MLH3: variants seen among roughly 807,000 people sequenced by gnomAD.
MLH3 encodes DNA mismatch repair protein Mlh3.
MLH3 carries 82 observed loss-of-function variants against 122.2 expected under a neutral mutation model. The observed-to-expected ratio is 0.67, with a 90% CI of 0.56 to 0.81. The LOEUF (loss-of-function observed/expected upper bound fraction) is 0.81. MLH3 is among the 30% of genes least tolerant of loss of function. The probability of loss-of-function intolerance (pLI) is 0.00; values close to 1 mark genes in which losing one functional copy is unlikely to be tolerated. For missense variants in MLH3, 1,539 were observed against 1,714.5 expected, an observed-to-expected ratio of 0.90 and a Z score of 1.81; for synonymous variants, 524 against 599.5, an observed-to-expected ratio of 0.87 and a Z score of 1.84.
In MLH3 at chr14:75,048,497, T is replaced by A. The variant is rs1259512716; in HGVS notation, c.1159A>T (p.Arg387Trp). ...TLQKRVTSDE[R>W]SNFQEACNNI... ...TTACATGCTTCCTGGAAATTGCTCCTCTCATCGGAAGTCACACGCTTCTGA... is the reference window on the plus strand; with the variant it reads ...TTACATGCTTCCTGGAAATTGCTCCACTCATCGGAAGTCACACGCTTCTGA... Residue 387 changes from arginine (R) to tryptophan (W), a missense_variant, in exon 2 of 13, where the codon AGG becomes TGG. Transcript: ENST00000355774. 1.2e-6 allele frequency: 2 copies of A among 1,613,212 alleles called. No homozygotes were observed. The highest frequency in any genetic ancestry group is 1.7e-6 in the Non-Finnish European group (2 of 1,179,816).
chr14:75,039,389 A>G (rs1260434995), intron 5 of MLH3, among the ~76,000 whole-genome samples: 2 of 152,190 alleles, frequency 1.3e-5, no homozygotes, highest in East Asian at 3.9e-4. Context: ...AAAGGGAATA[A>G]GACAGCCATG....
intron 11 of MLH3, among the ~76,000 whole-genome samples, chr14:75,020,016 G>A (rs1890170802): frequency 6.6e-6 from 1 of 152,160 alleles, no homozygotes; most frequent in Non-Finnish European, 1.5e-5. Context: ...GCTTAAGGAA[G>A]GCTTTCCTGG....
rs1291117432 is a variant in MLH3, at chr14:75,049,374, T to G, written c.282A>C (p.Gly94=). The G allele has an allele frequency of 6.2e-6, 10 of 1,614,090 alleles. No individual in the cohort carries two copies. The highest frequency in any genetic ancestry group is 8.5e-6 in the Non-Finnish European group (10 of 1,180,040). ...LENPRFYGFR[G]EALANIADMA... Reference sequence around the variant, plus strand: ...TGTCAGCAATATTTGCCAAGGCCTCTCCTCGGAAACCATAAAACCTTGGAT... The same window carrying G: ...TGTCAGCAATATTTGCCAAGGCCTCGCCTCGGAAACCATAAAACCTTGGAT... The change falls in exon 2 of 13, where the codon GGA becomes GGC. Residue 94 remains glycine, a synonymous_variant. Transcript: ENST00000355774.
intron 9 of MLH3, among the ~76,000 whole-genome samples, chr14:75,024,417 T>A (rs1890492282): frequency 6.6e-6 from 1 of 152,216 alleles, no homozygotes; most frequent in Admixed American, 6.5e-5. Context: ...GTCAGGCTGG[T>A]CTCGAACTCC....
chr14:75,021,365 C>G (rs1890270582), intron 11 of MLH3, among the ~76,000 whole-genome samples: 1 of 152,192 alleles, frequency 6.6e-6, no homozygotes, highest in Non-Finnish European at 1.5e-5. Flanking sequence ...AATAGACGGA[C>G]AACTTACAGA....
intron 2 of MLH3, 35 bp from the exon 3 acceptor site, chr14:75,042,512 C>T (rs748666714): frequency 2.0e-6 from 3 of 1,505,082 alleles, no homozygotes; most frequent in Admixed American, 3.3e-5. Context: ...GAAATGTGAA[C>T]TTAAAATACA....
chr14:75,019,228 G>A, intron 11 of MLH3: 2 of 436,356 alleles, frequency 4.6e-6, no homozygotes, highest in Non-Finnish European at 8.5e-6. Context: ...TGGCCAATAT[G>A]GTGAAATCCC....
At chr14:75,033,364 T>C in intron 7 of MLH3, 55 bp downstream of exon 7, 1 of 1,345,618 alleles carries the variant, frequency 7.4e-7, no homozygotes, top group African/African-American at 1.4e-5. Flanking sequence ...CTCTTTGAGG[T>C]GTACTGATTC....
intron 11 of MLH3, among the ~76,000 whole-genome samples, chr14:75,021,595 A>G (rs1376574329): frequency 2.0e-5 from 3 of 152,216 alleles, no homozygotes; most frequent in African/African-American, 7.2e-5. Flanking sequence ...GTCACTAATC[A>G]TTAGAGAAAT....
chr14:75,047,593 G>A lies in MLH3; in HGVS notation c.2063C>T (p.Thr688Ile), dbSNP rs2139570710. 1.2e-6 allele frequency: 2 copies of A among 1,614,042 alleles called. No homozygotes were observed. Among genetic ancestry groups the A allele is most frequent in the Non-Finnish European group, 1.7e-6 (2 of 1,180,008 alleles). Reference protein sequence around the residue: ...NISYGLENEPTATYTMFSAFQ... With the variant: ...NISYGLENEPIATYTMFSAFQ... ...AGCAGAAAACATTGTATAAGTTGCT[G>A]TAGGTTCATTCTCTAGCCCATAACT... The change falls in exon 2 of 13, where the codon ACA (threonine) becomes ATA (isoleucine). Residue 688 changes from threonine to isoleucine, a missense_variant. Physicochemically the swap from Thr to Ile is moderately conservative, Grantham distance 89. Coordinates refer to ENST00000355774, the MANE Select transcript of MLH3 (RefSeq NM_001040108.2).
intron 6 of MLH3, 40 bp from the exon 7 acceptor site, chr14:75,033,530 A>C (rs1295672690): frequency 2.7e-6 from 4 of 1,505,112 alleles, no homozygotes; most frequent in Non-Finnish European, 3.7e-6. Context: ...TCTCAGAGCA[A>C]GACGACAACC....
chr14:75,032,174 A>G lies in MLH3; in HGVS notation c.3721T>C (p.Tyr1241His). The change falls in exon 8 of 13, where the codon TAC becomes CAC. Residue 1241 changes from tyrosine to histidine, a missense_variant. Coordinates refer to ENST00000355774, the MANE Select transcript of MLH3 (RefSeq NM_001040108.2). ...IRLEQLIIDS[Y>H]EKQQAQGSGR... is the part of the protein sequence containing the mutation. ...GAGCCTTGTGCCTGTTGCTTCTCGTAGGAATCTATTGGCAGAAAGATGAAT... is the reference window on the plus strand; with the variant it reads ...GAGCCTTGTGCCTGTTGCTTCTCGTGGGAATCTATTGGCAGAAAGATGAAT... 1 of 1,603,854 alleles carries G rather than the reference A, an allele frequency of 6.2e-7. No individual in the cohort carries two copies. The highest frequency in any genetic ancestry group is 8.5e-7 in the Non-Finnish European group (1 of 1,170,582).
intron 6 of MLH3, among the ~76,000 whole-genome samples, chr14:75,037,350 C>T (rs1290988053): frequency 6.6e-6 from 1 of 152,198 alleles, no homozygotes; most frequent in Non-Finnish European, 1.5e-5. Flanking sequence ...ATCTCTTTCT[C>T]CATTACAGGG....
rs1036801793 is a variant in MLH3 at position 75,031,955 on chromosome 14, T to C, written c.3827+113A>G. 2.6e-5 allele frequency: 21 copies of C among 796,054 alleles called. No individual in the cohort carries two copies. The African/African-American group carries it at 3.4e-4, about 13-fold the overall frequency. 49.3% of individuals were successfully genotyped at this position (796,054 alleles called of 1,614,324 possible). A position where few individuals can be genotyped will look rare whatever the true frequency, so the allele number is the denominator to read the frequency against. Reference sequence around the variant, plus strand: ...TAACTGCTATGACCTTAGACAAGTCTTGTAACCTCTCTTGGTCTCATCTGA... The same window carrying C: ...TAACTGCTATGACCTTAGACAAGTCCTGTAACCTCTCTTGGTCTCATCTGA... On this transcript the variant is annotated intron_variant, in intron 8 of 12. Transcript: ENST00000355774.
chr14:75,038,362 C>CT lies in MLH3; in HGVS notation c.3620dup (p.Thr1208AspfsTer2). 6.2e-7 allele frequency: 1 copy of CT among 1,613,848 alleles called. No individual in the cohort carries two copies. The highest frequency in any genetic ancestry group is 8.5e-7 in the Non-Finnish European group (1 of 1,179,806). Reference sequence around the variant, plus strand: ...TACCTGCCTCGCCATTCTCTTCAGTCTTAGTGCTCATCAAACAGGCAATAA... The same window carrying CT: ...TACCTGCCTCGCCATTCTCTTCAGTCTTTAGTGCTCATCAAACAGGCAATAA... On this transcript the variant is annotated frameshift_variant, in exon 6 of 13. Coordinates refer to ENST00000355774, the MANE Select transcript of MLH3 (RefSeq NM_001040108.2). LOFTEE classifies it high-confidence loss of function.
chr14:75,039,845 CCA>C lies in MLH3; in HGVS notation c.3570+64_3570+65del, dbSNP rs1491385926. 9.5e-6 allele frequency: 3 copies of C among 316,524 alleles called. No homozygotes were observed. The South Asian group carries it at 1.1e-4, about 12-fold the overall frequency. 19.6% of individuals were successfully genotyped at this position (316,524 alleles called of 1,614,324 possible). A position where few individuals can be genotyped will look rare whatever the true frequency, so the allele number is the denominator to read the frequency against. ...TAAATCAAATTTTAGAAGAGTTAGG[CCA>C]TATATATATATATATATATATATAT... On this transcript the variant is annotated intron_variant, in intron 5 of 12. Coordinates refer to ENST00000355774, the MANE Select transcript of MLH3 (RefSeq NM_001040108.2).
At chr14:75,042,808 C>T (rs1300355191) in intron 2 of MLH3, among the ~76,000 whole-genome samples, 3 of 151,492 alleles carry the variant, frequency 2.0e-5, no homozygotes, top group East Asian at 3.9e-4. Flanking sequence ...CGGCGTCTCG[C>T]TCTGTCGCCC....
chr14:75,041,054 C>G (rs996298307), intron 4 of MLH3, among the ~76,000 whole-genome samples: 2 of 152,084 alleles, frequency 1.3e-5, no homozygotes, highest in African/African-American at 4.8e-5. Context: ...TTATTTTTAA[C>G]TAATTTACTT....
chr14:75,031,926 TTAA>T, intron 8 of MLH3, 139 bp downstream of exon 8: 1 of 702,528 alleles, frequency 1.4e-6, no homozygotes, highest in Non-Finnish European at 2.6e-6. Flanking sequence ...GCTCCACTAC[TTAA>T]TAACTGCTAT....
Sources: gnomAD v4.1 joint callset for allele counts (sites outside exome capture counted in the v4.1 genomes callset) on GRCh38, gnomAD v4.1.1 for gene constraint, MANE v1.5 for transcripts, NCBI Gene and HGNC (gene_info 2026-07-23, HGNC 2026-07-21) for gene names.